The following CCN4 variants were observed in gnomAD, a reference collection of about 807,000 sequenced individuals.
CCN4 encodes CCN family member 4.
A neutral mutation model predicts 36.7 loss-of-function variants in CCN4; 30 were observed. The ratio of observed to expected loss-of-function variants is 0.82; its 90% confidence interval spans 0.61 to 1.11. The LOEUF (loss-of-function observed/expected upper bound fraction) is 1.11, where lower values mean the gene tolerates loss of function less well. CCN4 is among the 50% of genes least tolerant of loss of function. The probability of loss-of-function intolerance (pLI) is 0.00; values close to 1 mark genes in which losing one functional copy is unlikely to be tolerated. For missense variants in CCN4, 505 were observed against 504.9 expected (o/e 1.00, Z 0.00); for synonymous variants, 191 against 195.4 (o/e 0.98, Z 0.19).
intron 1 of CCN4, among the ~76,000 whole-genome samples, chr8:133,212,635 A>G (rs35973954): frequency 6.6e-6 from 1 of 151,990 alleles, no homozygotes; most frequent in Non-Finnish European, 1.5e-5. Context: ...ACCGCTGACC[A>G]GCGGAAGGAT....
chr8:133,209,156 C>A (rs1356943823), intron 1 of CCN4, among the ~76,000 whole-genome samples: 1 of 152,202 alleles, frequency 6.6e-6, no homozygotes, highest in African/African-American at 2.4e-5. Context: ...AGGGCGGAAA[C>A]CGCCCTTGCG....
intron 1 of CCN4, among the ~76,000 whole-genome samples, chr8:133,195,067 A>G (rs1476580185): frequency 8.1e-6 from 1 of 124,102 alleles, no homozygotes; most frequent in Non-Finnish European, 1.7e-5. Flanking sequence ...GGTGTGTATT[A>G]TGTATGTAGT....
chr8:133,204,145 G>A (rs890493832), intron 1 of CCN4, among the ~76,000 whole-genome samples: 2 of 152,128 alleles, frequency 1.3e-5, no homozygotes, highest in African/African-American at 4.8e-5. Context: ...GTGGGGTTAA[G>A]GACTTAGGGG....
Position 133,229,109 on chromosome 8 carries a change from A to G in CCN4, c.*1399A>G, listed in dbSNP as rs977799697. 1 of 152,228 alleles carries G rather than the reference A, an allele frequency of 6.6e-6. No individual in the cohort carries two copies. Among genetic ancestry groups the G allele is most frequent in the Non-Finnish European group, 1.5e-5 (1 of 68,044 alleles). 9.4% of individuals were successfully genotyped at this position (152,228 alleles called of 1,614,324 possible). On this transcript the variant is annotated 3_prime_UTR_variant, in exon 5 of 5. Coordinates refer to ENST00000250160, the MANE Select transcript of CCN4 (RefSeq NM_003882.4). Reference sequence around the variant, plus strand: ...ATTAGCTCACTGAATCTTCACGACAATGTTGAGAAGTTCCCATTATTATTT... The same window carrying G: ...ATTAGCTCACTGAATCTTCACGACAGTGTTGAGAAGTTCCCATTATTATTT...
At chr8:133,214,878 T>C (rs1854264217) in intron 2 of CCN4, among the ~76,000 whole-genome samples, 1 of 152,156 alleles carries the variant, frequency 6.6e-6, no homozygotes, top group Non-Finnish European at 1.5e-5. Context: ...AGCTAACCAT[T>C]ATATTTTTTG....
intron 1 of CCN4, among the ~76,000 whole-genome samples, chr8:133,195,476 T>C (rs893977010): frequency 1.3e-5 from 2 of 152,076 alleles, no homozygotes; most frequent in African/African-American, 4.8e-5. Flanking sequence ...ACCTCCTGTT[T>C]AGAGTTGGAA....
chr8:133,212,844 C>T lies in CCN4; in HGVS notation c.70-20C>T. 1 of 1,534,322 alleles carries T rather than the reference C, an allele frequency of 6.5e-7. No individual in the cohort carries two copies. The highest frequency in any genetic ancestry group is 8.8e-7 in the Non-Finnish European group (1 of 1,131,494). The stretch of plus-strand genomic sequence containing the variant: ...CCCCTGTCTCAGCAGCCCCCCTTTC[C>T]CTCTGCCCTCCCCCCGCAGGCCCTC... On this transcript the variant is annotated intron_variant, in intron 1 of 4. Transcript: ENST00000250160.
Position 133,227,720 on chromosome 8 carries a change from A to C in CCN4, c.*10A>C, listed in dbSNP as rs1211692775. ...AGAAATTGCCAACTAGGCAGGCACA[A>C]ATCTTGGGTCTTGGGGACTAACCCA... On this transcript the variant is annotated 3_prime_UTR_variant, in exon 5 of 5. Coordinates refer to ENST00000250160, the MANE Select transcript of CCN4 (RefSeq NM_003882.4). The C allele has an allele frequency of 1.9e-6, 3 of 1,608,554 alleles. No individual in the cohort carries two copies. The African/African-American group carries it at 4.0e-5, about 21-fold the overall frequency.
chr8:133,192,359 C>T (rs572700019), intron 1 of CCN4, among the ~76,000 whole-genome samples: 9 of 152,236 alleles, frequency 5.9e-5, no homozygotes, highest in South Asian at 4.2e-4. Flanking sequence ...GTAATGATGG[C>T]GGGGAGTGGG....
At chr8:133,225,642 G>A in intron 4 of CCN4, 59 bp downstream of exon 4, 2 of 1,443,584 alleles carry the variant, frequency 1.4e-6, no homozygotes, top group Middle Eastern at 1.9e-4. Context: ...ATGGGTTTGA[G>A]CCTGGCTCCT....
chr8:133,220,728 G>A lies in CCN4; in HGVS notation c.497G>A (p.Trp166Ter). The A allele has an allele frequency of 6.2e-7, 1 of 1,613,656 alleles. No individual in the cohort carries two copies. Among genetic ancestry groups the A allele is most frequent in the African/African-American group, 1.3e-5 (1 of 75,070 alleles). ...CTCCGAGTGCGCCCCCCGCGTCTCT[G>A]GTGCCCCCACCCGCGGCGCGTGAGC... ...LCLRVRPPRL[W>*]CPHPRRVSIP... Residue 166 changes from tryptophan to a stop codon, truncating the protein, a stop_gained, in exon 3 of 5, where the codon TGG becomes TAG. Transcript: ENST00000250160. LOFTEE classifies it high-confidence loss of function.
chr8:133,215,496 A>G (rs1457894575), intron 2 of CCN4, among the ~76,000 whole-genome samples: 1 of 152,138 alleles, frequency 6.6e-6, no homozygotes, highest in Non-Finnish European at 1.5e-5. Context: ...CTGTATTGAG[A>G]TCTTGTCATC....
intron 2 of CCN4, among the ~76,000 whole-genome samples, chr8:133,217,393 A>T (rs1207580531): frequency 6.6e-6 from 1 of 152,268 alleles, no homozygotes. Context: ...AATTCCTGAA[A>T]GTGCTTCAGT....
At chr8:133,214,868 A>C (rs989388172) in intron 2 of CCN4, among the ~76,000 whole-genome samples, 1 of 152,158 alleles carries the variant, frequency 6.6e-6, no homozygotes, top group African/African-American at 2.4e-5. Context: ...TCTCATCCTC[A>C]GCTAACCATT....
At chr8:133,195,819 A>G (rs1853361682) in intron 1 of CCN4, among the ~76,000 whole-genome samples, 1 of 152,180 alleles carries the variant, frequency 6.6e-6, no homozygotes, top group Non-Finnish European at 1.5e-5. Flanking sequence ...CCAGCAAAGC[A>G]CCCACATGCC....
chr8:133,195,897 T>C (rs1440565174), intron 1 of CCN4, among the ~76,000 whole-genome samples: 1 of 152,186 alleles, frequency 6.6e-6, no homozygotes, highest in African/African-American at 2.4e-5. Context: ...AGCCATCCTC[T>C]GGGCAGCAGG....
In CCN4 at chr8:133,220,758, C is replaced by G. The variant is rs768439247; in HGVS notation, c.527C>G (p.Pro176Arg). Residue 176 changes from proline (P) to arginine (R), a missense_variant, in exon 3 of 5, where the codon CCT becomes CGT. Pro to Arg is a moderately radical substitution (Grantham distance 103). Coordinates refer to ENST00000250160, the MANE Select transcript of CCN4 (RefSeq NM_003882.4). ...WCPHPRRVSI[P>R]GHCCEQWVCE... Reference sequence around the variant, plus strand: ...CCCCACCCGCGGCGCGTGAGCATACCTGGCCACTGCTGTGAGCAGTGGGTA... The same window carrying G: ...CCCCACCCGCGGCGCGTGAGCATACGTGGCCACTGCTGTGAGCAGTGGGTA... 50 of 1,613,402 alleles carry G rather than the reference C, an allele frequency of 3.1e-5. No individual in the cohort carries two copies. In the South Asian group the frequency reaches 5.4e-4, roughly 17 times the overall value.
In CCN4 at chr8:133,201,427, A is replaced by G. The variant is rs116525429; in HGVS notation, c.69+10214A>G. Among the ~76,000 whole-genome samples, 973 of 152,288 alleles carry G rather than the reference A, an allele frequency of 6.4e-3. 8 individuals carry two copies. The highest frequency in any genetic ancestry group is 0.022 in the African/African-American group (932 of 41,544). On this transcript the variant is annotated intron_variant, in intron 1 of 4. Transcript: ENST00000250160. ...AAAGTTACAAAATTGTAACTAATTT[A>G]TTGGTGTGATAATTGCATGGGGGTT...
At chr8:133,225,768 A>C (rs1202884278) in intron 4 of CCN4, among the ~76,000 whole-genome samples, 185 bp downstream of exon 4, 1 of 152,198 alleles carries the variant, frequency 6.6e-6, no homozygotes, top group Non-Finnish European at 1.5e-5. Context: ...TGTGAATTTC[A>C]GTCAATGGAA....
Sources: gnomAD v4.1 joint callset for allele counts (sites outside exome capture counted in the v4.1 genomes callset) on GRCh38, gnomAD v4.1.1 for gene constraint, MANE v1.5 for transcripts, NCBI Gene and HGNC (gene_info 2026-07-23, HGNC 2026-07-21) for gene names.